AGPAT5: variants seen among roughly 807,000 people sequenced by gnomAD.
AGPAT5 encodes the protein 1-acyl-sn-glycerol-3-phosphate acyltransferase epsilon.
AGPAT5 carries 46 observed loss-of-function variants against 45.6 expected under a neutral mutation model. The ratio of observed to expected loss-of-function variants is 1.01; its 90% CI spans 0.80 to 1.29. AGPAT5 has a LOEUF of 1.29. Ranked by LOEUF, AGPAT5 falls within the 50% of genes most tolerant of loss-of-function variation. The pLI, the probability that AGPAT5 is intolerant of heterozygous loss-of-function variation, is 0.00. For synonymous variants in AGPAT5, 272 were observed against 167.0 expected, an observed-to-expected ratio of 1.63 and a Z score of -4.85; for missense variants, 673 against 450.7, an observed-to-expected ratio of 1.49 and a Z score of -4.47.
intron 4 of AGPAT5, among the ~76,000 whole-genome samples, chr8:6,741,023 A>ACTT (rs1801228610): frequency 6.6e-6 from 1 of 152,160 alleles, no homozygotes; most frequent in Non-Finnish European, 1.5e-5. Context: ...ATAAGCGTAA[A>ACTT]AACTTAGACT....
chr8:6,738,613 C>G (rs1300151), intron 4 of AGPAT5: 1 of 152,080 alleles, frequency 6.6e-6, no homozygotes, highest in Non-Finnish European at 1.5e-5. Flanking sequence ...TTGTCATAAA[C>G]CTTCAATGGG....
chr8:6,753,286 C>G (rs1302044549), intron 6 of AGPAT5, among the ~76,000 whole-genome samples: 1 of 152,200 alleles, frequency 6.6e-6, no homozygotes, highest in Non-Finnish European at 1.5e-5. Flanking sequence ...GAAATGCAGT[C>G]TGTTCCATCT....
At chr8:6,722,736 G>A (rs375229986) in intron 1 of AGPAT5, among the ~76,000 whole-genome samples, 1 of 152,190 alleles carries the variant, frequency 6.6e-6, no homozygotes, top group African/African-American at 2.4e-5. Context: ...TTTTTTTGAC[G>A]AAAGCAGAAT....
At chr8:6,721,099 G>T (rs10104430) in intron 1 of AGPAT5, among the ~76,000 whole-genome samples, 3,368 of 152,288 alleles carry the variant, frequency 0.022, 123 homozygotes, top group African/African-American at 0.077. Context: ...TGGGCAAGTA[G>T]CTGTTTGCTA....
chr8:6,711,819 A>C (rs756523098), intron 1 of AGPAT5, among the ~76,000 whole-genome samples: 5 of 152,116 alleles, frequency 3.3e-5, no homozygotes, highest in Non-Finnish European at 5.9e-5. Context: ...TCTGCCTTAC[A>C]GTCCTTGCTG....
chr8:6,720,725 T>G (rs1470235760), intron 1 of AGPAT5, among the ~76,000 whole-genome samples: 1 of 152,210 alleles, frequency 6.6e-6, no homozygotes, highest in Non-Finnish European at 1.5e-5. Flanking sequence ...CCCTGATGAT[T>G]CAGTGACTTT....
In AGPAT5 at chr8:6,714,593, A is replaced by G. The variant is rs190091657; in HGVS notation, c.219+5706A>G. ...AATTATACATTCAAACACTGCCACA[A>G]TACTTTGAGAAAGTTAAAGTTTCCC... On this transcript the variant is annotated intron_variant, in intron 1 of 7. Transcript: ENST00000285518. Among the ~76,000 whole-genome samples, 9 of 152,368 alleles carry G rather than the reference A, an allele frequency of 5.9e-5. No homozygotes were observed. The East Asian group carries it at 1.5e-3, about 26-fold the overall frequency.
chr8:6,713,102 C>T (rs1288511272), intron 1 of AGPAT5, among the ~76,000 whole-genome samples: 2 of 152,132 alleles, frequency 1.3e-5, no homozygotes, highest in African/African-American at 2.4e-5. Context: ...AAGTGATCCT[C>T]CGGAGTAGCT....
intron 1 of AGPAT5, among the ~76,000 whole-genome samples, chr8:6,713,595 C>G (rs114207186): frequency 4.5e-4 from 68 of 152,274 alleles, no homozygotes; most frequent in Non-Finnish European, 8.5e-4. Context: ...ACACTGTTGC[C>G]CAAACCAGAG....
intron 6 of AGPAT5, among the ~76,000 whole-genome samples, chr8:6,749,804 C>T (rs1003777405): frequency 6.6e-6 from 1 of 152,166 alleles, no homozygotes; most frequent in African/African-American, 2.4e-5. Context: ...CCATAATAAC[C>T]TTGTTTAAAT....
intron 6 of AGPAT5, among the ~76,000 whole-genome samples, chr8:6,749,696 A>T (rs1044998435): frequency 6.6e-6 from 1 of 152,180 alleles, no homozygotes; most frequent in African/African-American, 2.4e-5. Flanking sequence ...CTATTTTTGC[A>T]TTTGAAAACA....
intron 1 of AGPAT5, among the ~76,000 whole-genome samples, chr8:6,716,764 CAG>C (rs1250103277): frequency 1.3e-5 from 2 of 152,136 alleles, no homozygotes; most frequent in African/African-American, 4.8e-5. Flanking sequence ...GCCCAGGAGA[CAG>C]AGGTTGTGGT....
chr8:6,723,373 G>T (rs1800571894), intron 1 of AGPAT5, among the ~76,000 whole-genome samples: 1 of 152,164 alleles, frequency 6.6e-6, no homozygotes, highest in South Asian at 2.1e-4. Context: ...ATTATGTAGA[G>T]ACAGGGTCTG....
rs4841551 is a variant in AGPAT5, at chr8:6,709,114, C to T, written c.219+227C>T. 5,181 of 594,036 alleles carry T rather than the reference C, an allele frequency of 8.7e-3. 104 individuals are homozygous for T. The highest frequency in any genetic ancestry group is 0.052 in the East Asian group (1,757 of 34,056). The allele number at this position is 594,036 out of a possible 1,614,324, so 36.8% of individuals were successfully genotyped here. On this transcript the variant is annotated intron_variant, in intron 1 of 7. Transcript: ENST00000285518. ...TCGTCCTGAGGCTACGAGTGGGACC[C>T]GCCGCCCCTTTCCCCGCCCCTCGCC... is the stretch of plus-strand genomic sequence containing the variant.
At chr8:6,755,006 G>T in intron 6 of AGPAT5, 45 bp from the exon 7 acceptor site, 1 of 1,495,028 alleles carries the variant, frequency 6.7e-7, no homozygotes, top group Non-Finnish European at 9.0e-7. Context: ...ATGACCATGA[G>T]TTCTAAAATA....
At chr8:6,736,401 A>C (rs1293384248) in intron 4 of AGPAT5, among the ~76,000 whole-genome samples, 2 of 152,168 alleles carry the variant, frequency 1.3e-5, no homozygotes, top group Non-Finnish European at 2.9e-5. Context: ...GGTTTTTGTC[A>C]AATCTGTTAT....
At chr8:6,729,187 G>A (rs867886022) in intron 2 of AGPAT5, among the ~76,000 whole-genome samples, 14 of 152,092 alleles carry the variant, frequency 9.2e-5, no homozygotes, top group Non-Finnish European at 1.6e-4. Context: ...TATTAAAATG[G>A]CTAAATCTTT....
At position 6,756,962 on chromosome 8, in the gene AGPAT5, A is replaced by G. The variant is rs139146083; in HGVS notation, c.870-201A>G. 2.4e-4 allele frequency among the ~76,000 whole-genome samples: 37 copies of G among 152,388 alleles called. No homozygotes were observed. The East Asian group carries it at 6.9e-3, about 29-fold the overall frequency. On this transcript the variant is annotated intron_variant, in intron 7 of 7. Transcript: ENST00000285518. ...GAAATATTACATATACAATTCATGT[A>G]TACTAATCATAGAGCATATTAAAGA...
rs1016014098 is a variant in AGPAT5, at chr8:6,755,388, G to A, written c.869+214G>A. Among the ~76,000 whole-genome samples, 7 of 152,292 alleles carry A rather than the reference G, an allele frequency of 4.6e-5. No homozygotes were observed. The East Asian group carries it at 9.6e-4, about 21-fold the overall frequency. ...TACAGTGGGCCCATCTACTTGCATT[G>A]ATAGTATTTCTTGGACAATACTACG... On this transcript the variant is annotated intron_variant, in intron 7 of 7. Transcript: ENST00000285518.
Sources: allele counts gnomAD v4.1 joint callset (sites outside exome capture counted in the v4.1 genomes callset), GRCh38; gene constraint gnomAD v4.1.1; transcripts MANE v1.5; gene names NCBI Gene and HGNC (gene_info 2026-07-23, HGNC 2026-07-21).